Variants in HPSE2 observed in about 807,000 individuals in gnomAD.
HPSE2 encodes heparanase 2 (inactive).
HPSE2 carries 38 observed loss-of-function variants against 60.5 expected under a neutral mutation model. The ratio of observed to expected loss-of-function variants is 0.63; its 90% confidence interval spans 0.48 to 0.82. The LOEUF (loss-of-function observed/expected upper bound fraction) is 0.82, where lower values mean the gene tolerates loss of function less well. HPSE2 is among the 40% of genes least tolerant of loss of function. The pLI is 0.00. For synonymous variants in HPSE2, 295 were observed against 293.2 expected (o/e 1.01, Z -0.06); for missense variants, 713 against 740.4 (o/e 0.96, Z 0.43).
chr10:99,255,031 G>A, the HPSE2 span, among the ~76,000 whole-genome samples: 1 of 151,974 alleles, frequency 6.6e-6, no homozygotes, highest in East Asian at 1.9e-4. Flanking sequence ...ACAAAACACT[G>A]AATTTTATAT....
At chr10:98,991,233 G>A (rs1159871406) in intron 3 of HPSE2, among the ~76,000 whole-genome samples, 1 of 152,192 alleles carries the variant, frequency 6.6e-6, no homozygotes, top group Non-Finnish European at 1.5e-5. Context: ...CATAAAATGT[G>A]AAGAGAAATA....
At chr10:99,219,826 G>A (rs1849249830) in intron 2 of HPSE2, among the ~76,000 whole-genome samples, 1 of 152,130 alleles carries the variant, frequency 6.6e-6, no homozygotes, top group Admixed American at 6.5e-5. Flanking sequence ...ATTCAAAAAT[G>A]GTGACCTTCT....
chr10:98,796,182 C>T (rs1950775778), intron 3 of HPSE2, among the ~76,000 whole-genome samples: 1 of 152,188 alleles, frequency 6.6e-6, no homozygotes, highest in Admixed American at 6.5e-5. Context: ...CCTTAGGTAT[C>T]AGCTCAGCCA....
intron 3 of HPSE2, among the ~76,000 whole-genome samples, chr10:98,817,384 T>C (rs1286724724): frequency 6.6e-5 from 10 of 152,100 alleles, no homozygotes; most frequent in Non-Finnish European, 1.5e-4. Flanking sequence ...ATAACCAAAT[T>C]GGGGTTCTTT....
In HPSE2 at chr10:98,959,843, G is replaced by A. The variant is rs149417137; in HGVS notation, c.610+184395C>T. Among the ~76,000 whole-genome samples the A allele has an allele frequency of 3.0e-3, 457 of 151,992 alleles. 4 individuals carry two copies. The highest frequency in any genetic ancestry group is 0.01 in the African/African-American group (435 of 41,446). On this transcript the variant is annotated intron_variant, in intron 3 of 11. Transcript: ENST00000370552. ...ATCTAGACCCAAGATGAATTCTAGG[G>A]GCAGAAAAATAAAGCTATGAAATAA...
rs182015487 is a variant in HPSE2 at position 98,997,352 on chromosome 10, G to A, written c.610+146886C>T. On this transcript the variant is annotated intron_variant, in intron 3 of 11. Transcript: ENST00000370552. ...AGGCTGGTCTTGAACTCCTGACCTC[G>A]TGATCCACCCACCTCAGACTCCCAA... is the stretch of plus-strand genomic sequence containing the variant. 2.4e-3 allele frequency among the ~76,000 whole-genome samples: 365 copies of A among 151,726 alleles called. 3 individuals are homozygous for A. Among genetic ancestry groups the A allele is most frequent in the Non-Finnish European group, 1.6e-3 (111 of 67,904 alleles).
rs993131595 is a variant in HPSE2, at chr10:98,533,701, C to T, written c.1321-43505G>A. On this transcript the variant is annotated intron_variant, in intron 9 of 11. Transcript: ENST00000370552. ...GAAGCCTGGGATAGCTCAGTAAATACTGCTCACCCTAAGTAATGGATGGAG... is the reference window on the plus strand; with the variant it reads ...GAAGCCTGGGATAGCTCAGTAAATATTGCTCACCCTAAGTAATGGATGGAG... Among the ~76,000 whole-genome samples the T allele has an allele frequency of 2.0e-5, 3 of 152,260 alleles. No homozygotes were observed. The East Asian group carries it at 5.8e-4, about 29-fold the overall frequency.
At chr10:98,502,537 A>T (rs1308399387) in intron 9 of HPSE2, among the ~76,000 whole-genome samples, 2 of 152,270 alleles carry the variant, frequency 1.3e-5, no homozygotes, top group African/African-American at 4.8e-5. Flanking sequence ...CTCACCTTAT[A>T]CAAAAATCAG....
intron 3 of HPSE2, among the ~76,000 whole-genome samples, chr10:98,801,877 T>G (rs548040330): frequency 6.6e-6 from 1 of 152,220 alleles, no homozygotes; most frequent in East Asian, 1.9e-4. Context: ...AGATCCAGAA[T>G]AGCCGAACCT....
chr10:98,714,790 C>T (rs1031288215), intron 5 of HPSE2, among the ~76,000 whole-genome samples: 3 of 151,850 alleles, frequency 2.0e-5, no homozygotes, highest in African/African-American at 7.2e-5. Flanking sequence ...ATATTATATT[C>T]CCATTAGCAT....
At chr10:98,749,374 CTATA>C (rs1169145074) in intron 3 of HPSE2, among the ~76,000 whole-genome samples, 3 of 151,224 alleles carry the variant, frequency 2.0e-5, no homozygotes, top group African/African-American at 7.3e-5. Context: ...GCATATATAT[CTATA>C]TATACAGATA....
chr10:99,279,794 A>C, the HPSE2 span, among the ~76,000 whole-genome samples: 1 of 152,246 alleles, frequency 6.6e-6, no homozygotes, highest in Admixed American at 6.5e-5. Context: ...GCAAGTCACC[A>C]GGGGAGGCAG....
At chr10:98,570,589 T>C (rs1406141349) in intron 9 of HPSE2, among the ~76,000 whole-genome samples, 4 of 152,088 alleles carry the variant, frequency 2.6e-5, no homozygotes, top group Admixed American at 2.6e-4. Context: ...AAAACAGCAG[T>C]TAGTAATGAC....
At chr10:98,983,451 A>G (rs1956256412) in intron 3 of HPSE2, among the ~76,000 whole-genome samples, 1 of 152,194 alleles carries the variant, frequency 6.6e-6, no homozygotes, top group Non-Finnish European at 1.5e-5. Context: ...TTTTTTGCCA[A>G]TCTCGGGATA....
chr10:99,132,191 A>AAG (rs781059893), intron 3 of HPSE2, among the ~76,000 whole-genome samples: 5 of 71,898 alleles, frequency 7.0e-5, no homozygotes, highest in African/African-American at 2.6e-4. Flanking sequence ...GAAAGAAAGA[A>AAG]AGAGAGAGAG....
Position 98,743,877 on chromosome 10 carries a change from A to C in HPSE2, c.784+6T>G. Reference sequence around the variant, plus strand: ...TCAATTCAGAGGAAGTAACATCCTTACTTACCATTACCCAGTTCCCAAGAA... The same window carrying C: ...TCAATTCAGAGGAAGTAACATCCTTCCTTACCATTACCCAGTTCCCAAGAA... On this transcript the variant is annotated splice_donor_region_variant and intron_variant, in intron 4 of 11. Coordinates refer to ENST00000370552, the MANE Select transcript of HPSE2 (RefSeq NM_021828.5). 1 of 1,612,244 alleles carries C rather than the reference A, an allele frequency of 6.2e-7. No individual in the cohort carries two copies. Among genetic ancestry groups the C allele is most frequent in the South Asian group, 1.1e-5 (1 of 91,054 alleles).
intron 4 of HPSE2, among the ~76,000 whole-genome samples, chr10:98,737,054 T>A (rs530119972): frequency 6.6e-6 from 1 of 151,962 alleles, no homozygotes; most frequent in South Asian, 2.1e-4. Context: ...GACTATATGG[T>A]TTCTTGTTTT....
At chr10:98,651,569 A>AT (rs922214713) in intron 6 of HPSE2, among the ~76,000 whole-genome samples, 14 of 151,902 alleles carry the variant, frequency 9.2e-5, no homozygotes, top group African/African-American at 2.7e-4. Flanking sequence ...AAAATATCGT[A>AT]TTTTTTTTCC....
chr10:98,548,673 AG>A (rs1943769229), intron 9 of HPSE2, among the ~76,000 whole-genome samples: 1 of 152,076 alleles, frequency 6.6e-6, no homozygotes, highest in Admixed American at 6.6e-5. Context: ...CCTTGGGGTA[AG>A]GGGAACAAGT....
Sources: allele counts gnomAD v4.1 joint callset (sites outside exome capture counted in the v4.1 genomes callset), GRCh38; gene constraint gnomAD v4.1.1; transcripts MANE v1.5; gene names NCBI Gene and HGNC (gene_info 2026-07-23, HGNC 2026-07-21).